TTL: variants seen among roughly 807,000 people sequenced by gnomAD.
TTL encodes the protein tubulin--tyrosine ligase.
TTL carries 10 observed loss-of-function variants against 41.1 expected under a neutral mutation model. That is an observed-to-expected ratio of 0.24 (90% CI 0.15 to 0.41). TTL has a LOEUF of 0.41. Ranked by LOEUF, TTL falls within the 10% of genes least tolerant of loss-of-function variation. The probability of loss-of-function intolerance (pLI) is 1.00; values close to 1 mark genes in which losing one functional copy is unlikely to be tolerated. For missense variants in TTL, 367 were observed against 460.4 expected, an observed-to-expected ratio of 0.80 and a Z score of 1.86; for synonymous variants, 175 against 175.5, an observed-to-expected ratio of 1.00 and a Z score of 0.02.
At chr2:112,527,440 A>G (rs1456166656) in intron 6 of TTL, among the ~76,000 whole-genome samples, 6 of 152,122 alleles carry the variant, frequency 3.9e-5, no homozygotes, top group Non-Finnish European at 8.8e-5. Context: ...ATTATTGTGT[A>G]GGAGTCTAAG....
chr2:112,485,795 A>G (rs1009533607), intron 1 of TTL, 122 bp from the exon 2 acceptor site: 2 of 898,834 alleles, frequency 2.2e-6, no homozygotes, highest in South Asian at 1.7e-5. Flanking sequence ...AAATTGTTCC[A>G]TTTTCCATTT....
chr2:112,492,469 G>A (rs961435911), intron 2 of TTL, among the ~76,000 whole-genome samples: 6 of 151,576 alleles, frequency 4.0e-5, no homozygotes, highest in African/African-American at 1.5e-4. Context: ...GGTGGCTCAC[G>A]CCTGTAATCC....
At chr2:112,484,615 T>C (rs1681190686) in intron 1 of TTL, among the ~76,000 whole-genome samples, 1 of 152,098 alleles carries the variant, frequency 6.6e-6, no homozygotes, top group Admixed American at 6.6e-5. Context: ...CAAAATTGGT[T>C]ATATGCCATC....
In TTL at chr2:112,534,052, A is replaced by C. The variant is rs1468773811; in HGVS notation, c.*5257A>C. ...GAGGCTTGCAGCAATCCATTTATTC[A>C]AGAAAAGGCCTGTAATCCCAGCACT... On this transcript the variant is annotated 3_prime_UTR_variant, in exon 7 of 7. Coordinates refer to ENST00000233336, the MANE Select transcript of TTL (RefSeq NM_153712.5). 1 of 152,166 alleles carries C rather than the reference A, an allele frequency of 6.6e-6. No homozygotes were observed. The highest frequency in any genetic ancestry group is 1.5e-5 in the Non-Finnish European group (1 of 68,050). 9.4% of individuals were successfully genotyped at this position (152,166 alleles called of 1,614,324 possible).
At chr2:112,493,383 G>A (rs548078551) in intron 2 of TTL, among the ~76,000 whole-genome samples, 10 of 151,928 alleles carry the variant, frequency 6.6e-5, no homozygotes, top group South Asian at 4.2e-4. Context: ...TTGGGAGTTC[G>A]GGCCTGCATG....
intron 3 of TTL, among the ~76,000 whole-genome samples, chr2:112,499,730 G>A (rs1024898823): frequency 6.6e-5 from 10 of 152,030 alleles, no homozygotes; most frequent in Non-Finnish European, 1.2e-4. Flanking sequence ...ATATGACAAG[G>A]GACTCAGATC....
intron 6 of TTL, among the ~76,000 whole-genome samples, chr2:112,527,064 G>A (rs1479047316): frequency 1.3e-4 from 20 of 152,190 alleles, no homozygotes; most frequent in Admixed American, 6.5e-5. Context: ...TTATTCAGGA[G>A]CAGGTTGTTC....
At chr2:112,525,384 T>C (rs1682343381) in intron 6 of TTL, among the ~76,000 whole-genome samples, 2 of 152,218 alleles carry the variant, frequency 1.3e-5, no homozygotes, top group African/African-American at 4.8e-5. Flanking sequence ...CCTTGGGTAG[T>C]ATGGCCATTT....
In TTL at chr2:112,482,724, G is replaced by C. The variant is rs1681126080; in HGVS notation, c.157+223G>C. ...AGTCGGAGTCGCGGTGCGGCCACTC[G>C]GGGCCGCAGCTACCTCCCGACGGTG... On this transcript the variant is annotated intron_variant, in intron 1 of 6. Coordinates refer to ENST00000233336, the MANE Select transcript of TTL (RefSeq NM_153712.5). This position sits in a 1 kb window ranked among gnomAD's most constrained non-coding sequence, Gnocchi z 5.3. 6.6e-6 allele frequency among the ~76,000 whole-genome samples: 1 copy of C among 151,272 alleles called. No individual in the cohort carries two copies. The highest frequency in any genetic ancestry group is 2.4e-5 in the African/African-American group (1 of 41,242).
At chr2:112,503,871 G>T (rs1574062901) in intron 5 of TTL, among the ~76,000 whole-genome samples, 2 of 91,716 alleles carry the variant, frequency 2.2e-5, no homozygotes, top group South Asian at 4.1e-4. Context: ...GTGCAGGTTA[G>T]TTACATATGT....
chr2:112,498,153 G>T (rs1681586939), intron 3 of TTL, among the ~76,000 whole-genome samples: 1 of 151,994 alleles, frequency 6.6e-6, no homozygotes, highest in Non-Finnish European at 1.5e-5. Flanking sequence ...CTGAAACCCT[G>T]TCTCTATAAA....
At chr2:112,521,519 C>G (rs1308561685) in intron 6 of TTL, among the ~76,000 whole-genome samples, 1 of 152,182 alleles carries the variant, frequency 6.6e-6, no homozygotes, top group African/African-American at 2.4e-5. Flanking sequence ...GAGAAAGTCC[C>G]GTACCTGCAA....
At position 112,501,197 on chromosome 2, in the gene TTL, C is replaced by T; in HGVS notation, c.470-9C>T. The T allele has an allele frequency of 6.3e-7, 1 of 1,599,238 alleles. No homozygotes were observed. Among genetic ancestry groups the T allele is most frequent in the South Asian group, 1.1e-5 (1 of 88,116 alleles). Reference sequence around the variant, plus strand: ...TGGATTGGTTTGTCTTTTGCTTTTTCCCTGTTAGGTGAAGGCATTCTCATC... The same window carrying T: ...TGGATTGGTTTGTCTTTTGCTTTTTTCCTGTTAGGTGAAGGCATTCTCATC... On this transcript the variant is annotated splice_polypyrimidine_tract_variant and intron_variant, in intron 3 of 6. Coordinates refer to ENST00000233336, the MANE Select transcript of TTL (RefSeq NM_153712.5).
chr2:112,513,206 G>C (rs981052153), intron 5 of TTL, among the ~76,000 whole-genome samples: 1 of 151,946 alleles, frequency 6.6e-6, no homozygotes, highest in African/African-American at 2.4e-5. Flanking sequence ...AGGTATGATA[G>C]ATTATCAGGT....
intron 5 of TTL, among the ~76,000 whole-genome samples, chr2:112,515,678 C>A (rs375009821): frequency 6.6e-6 from 1 of 152,086 alleles, no homozygotes; most frequent in East Asian, 1.9e-4. Context: ...CCAGGTGCGA[C>A]GGCTCACGCC....
At position 112,531,147 on chromosome 2, in the gene TTL, A is replaced by G. The variant is rs1682499454; in HGVS notation, c.*2352A>G. 4.7e-6 allele frequency: 1 copy of G among 210,950 alleles called. No individual in the cohort carries two copies. The highest frequency in any genetic ancestry group is 9.6e-6 in the Non-Finnish European group (1 of 103,952). 13.1% of individuals were successfully genotyped at this position (210,950 alleles called of 1,614,324 possible). ...GGTGCACACCACCAAGCCTGGCTTT[A>G]TGTATTTATTTCTGTTCATGCGGAA... is the stretch of plus-strand genomic sequence containing the variant. On this transcript the variant is annotated 3_prime_UTR_variant, in exon 7 of 7. Transcript: ENST00000233336.
rs1266561622 is a variant in TTL, at chr2:112,530,577, A to G, written c.*1782A>G. The G allele has an allele frequency of 1.8e-5, 4 of 227,638 alleles. No individual in the cohort carries two copies. Among genetic ancestry groups the G allele is most frequent in the Non-Finnish European group, 3.5e-5 (4 of 114,666 alleles). 14.1% of individuals were successfully genotyped at this position (227,638 alleles called of 1,614,324 possible). On this transcript the variant is annotated 3_prime_UTR_variant, in exon 7 of 7. Transcript: ENST00000233336. ...AGATGTATACCCAGTTAGAACGTGT[A>G]GGGTTCTGGGTCCCTGGCAAGTCTA...
intron 5 of TTL, among the ~76,000 whole-genome samples, chr2:112,516,355 G>A (rs561594259): frequency 1.2e-4 from 19 of 152,068 alleles, no homozygotes; most frequent in African/African-American, 3.1e-4. Flanking sequence ...TCCTTTCCCC[G>A]CTGCATTGTG....
Position 112,520,403 on chromosome 2 carries a change from A to G in TTL, c.997A>G (p.Asn333Asp). Residue 333 changes from asparagine (N) to aspartate (D), a missense_variant, in exon 6 of 7, where the codon AAC (asparagine) becomes GAC (aspartate). Transcript: ENST00000233336. ...GCTGAAGGTGTGGCTCATTGAGGTC[A>G]ACGGTGCCCCTGCATGTGCTCAGTA... ...EELKVWLIEV[N>D]GAPACAQKLY... 6.2e-7 allele frequency: 1 copy of G among 1,614,030 alleles called. No homozygotes were observed.
Sources: allele counts gnomAD v4.1 joint callset (sites outside exome capture counted in the v4.1 genomes callset), GRCh38; gene constraint gnomAD v4.1.1; non-coding constraint Gnocchi (gnomAD v3.1); transcripts MANE v1.5; gene names NCBI Gene and HGNC (gene_info 2026-07-23, HGNC 2026-07-21).